The following DLG2 variants were observed in gnomAD, a reference collection of about 807,000 sequenced individuals.
DLG2 encodes the protein discs large MAGUK scaffold protein 2.
DLG2 carries 45 observed loss-of-function variants against 132.5 expected under a neutral mutation model. The observed-to-expected ratio is 0.34, with a 90% CI of 0.27 to 0.44. The LOEUF is 0.44. Ranked by LOEUF, DLG2 falls within the 20% of genes least tolerant of loss-of-function variation. The pLI is 1.00. For missense variants in DLG2, 1,045 were observed against 1,196.9 expected, an observed-to-expected ratio of 0.87 and a Z score of 1.87; for synonymous variants, 424 against 419.6, an observed-to-expected ratio of 1.01 and a Z score of -0.13.
At chr11:84,069,624 A>G (rs2096727565) in intron 10 of DLG2, among the ~76,000 whole-genome samples, 1 of 152,184 alleles carries the variant, frequency 6.6e-6, no homozygotes, top group South Asian at 2.1e-4. Context: ...CATCTCCTAC[A>G]GTGAATGTAC....
At chr11:84,406,392 C>T (rs1227521673) in intron 7 of DLG2, among the ~76,000 whole-genome samples, 1 of 152,170 alleles carries the variant, frequency 6.6e-6, no homozygotes, top group Non-Finnish European at 1.5e-5. Context: ...AAACAGGGCT[C>T]ACTGCAGCCT....
intron 3 of DLG2, among the ~76,000 whole-genome samples, chr11:85,509,418 C>T (rs953985104): frequency 7.9e-5 from 12 of 151,994 alleles, no homozygotes; most frequent in Admixed American, 3.3e-4. Context: ...AAGTGCCTTA[C>T]TACACAGTAC....
At chr11:83,827,370 G>A (rs939267697) in intron 17 of DLG2, among the ~76,000 whole-genome samples, 1 of 152,062 alleles carries the variant, frequency 6.6e-6, no homozygotes, top group African/African-American at 2.4e-5. Context: ...CTTCCCCTCT[G>A]CACGTTTCTA....
At chr11:83,577,567 T>C (rs1405716088) in intron 19 of DLG2, among the ~76,000 whole-genome samples, 3 of 100,078 alleles carry the variant, frequency 3.0e-5, no homozygotes, top group African/African-American at 1.4e-4. Context: ...AGAATATATA[T>C]ATATATATAT....
At chr11:84,387,151 G>A (rs1456977875) in intron 7 of DLG2, among the ~76,000 whole-genome samples, 1 of 151,860 alleles carries the variant, frequency 6.6e-6, no homozygotes, top group African/African-American at 2.4e-5. Context: ...ACCACACTGG[G>A]GCAGCGTCCC....
chr11:83,592,354 C>T (rs1445241092), intron 19 of DLG2, among the ~76,000 whole-genome samples: 1 of 147,978 alleles, frequency 6.8e-6, no homozygotes, highest in East Asian at 2.1e-4. Context: ...CTACAACTAT[C>T]TGATCTTTGA....
intron 8 of DLG2, among the ~76,000 whole-genome samples, chr11:84,184,206 C>T (rs865780426): frequency 1.6e-3 from 237 of 152,236 alleles, no homozygotes; most frequent in Middle Eastern, 0.01. Context: ...TGTAAAAGTG[C>T]TCCTATTTCT....
chr11:83,904,152 G>A (rs2074156749), intron 15 of DLG2, among the ~76,000 whole-genome samples: 1 of 152,148 alleles, frequency 6.6e-6, no homozygotes, highest in Non-Finnish European at 1.5e-5. Flanking sequence ...GGTGGGTAGT[G>A]TATACAGCAT....
rs747002599 is a variant in DLG2 at position 83,962,998 on chromosome 11, A to C, written c.1227T>G (p.His409Gln). The change falls in exon 14 of 28, where the codon CAT becomes CAG. Residue 409 changes from histidine (H) to glutamine (Q), a missense_variant. His to Gln is a conservative substitution (Grantham distance 24). Transcript: ENST00000376104. ...AAGTGCCATTGTTGCCAGAGAGTAG[A>C]TGGTTTTCCATTGGTGGAGAATAAG... ...THSYSPPMEN[H>Q]LLSGNNGTLE... 6.2e-7 allele frequency: 1 copy of C among 1,612,990 alleles called. No individual in the cohort carries two copies. Among genetic ancestry groups the C allele is most frequent in the South Asian group, 1.1e-5 (1 of 91,066 alleles).
Position 84,253,161 on chromosome 11 carries a change from T to C in DLG2, c.520-1870A>G, listed in dbSNP as rs116644218. Among the ~76,000 whole-genome samples the C allele has an allele frequency of 9.6e-4, 146 of 152,158 alleles. 1 individual carries two copies. Among genetic ancestry groups the C allele is most frequent in the African/African-American group, 3.4e-3 (142 of 41,494 alleles). On this transcript the variant is annotated intron_variant, in intron 7 of 27. Transcript: ENST00000376104. ...GACTCTGGAGAAAGACAGTTTTTAC[T>C]GGATCTCATTAAAAAAAAATAATAA...
intron 3 of DLG2, among the ~76,000 whole-genome samples, chr11:85,396,012 A>G (rs1190629437): frequency 6.6e-6 from 1 of 152,162 alleles, no homozygotes; most frequent in Non-Finnish European, 1.5e-5. Context: ...ACCTCCCAGT[A>G]GGGGCCGACA....
At chr11:84,324,944 T>C (rs183983514) in intron 7 of DLG2, among the ~76,000 whole-genome samples, 45 of 152,276 alleles carry the variant, frequency 3.0e-4, no homozygotes, top group African/African-American at 1.1e-3. Flanking sequence ...ATTTTCTACC[T>C]ATAAGATCAT....
intron 6 of DLG2, among the ~76,000 whole-genome samples, chr11:84,891,841 C>T (rs2089447678): frequency 6.6e-6 from 1 of 152,142 alleles, no homozygotes; most frequent in Non-Finnish European, 1.5e-5. Context: ...TAAAGCAGAG[C>T]ATCTCTGCCC....
At chr11:84,987,246 C>A (rs907489639) in intron 6 of DLG2, among the ~76,000 whole-genome samples, 10 of 152,026 alleles carry the variant, frequency 6.6e-5, no homozygotes, top group Non-Finnish European at 1.0e-4. Flanking sequence ...CAAAACACTG[C>A]TGAAAGAAAT....
chr11:85,443,218 G>A (rs2153032993), intron 3 of DLG2, among the ~76,000 whole-genome samples: 1 of 152,238 alleles, frequency 6.6e-6, no homozygotes. Context: ...CCTTTAAGAT[G>A]TCAATCTCCT....
At chr11:84,932,430 C>T (rs1253038504) in intron 6 of DLG2, among the ~76,000 whole-genome samples, 4 of 152,128 alleles carry the variant, frequency 2.6e-5, no homozygotes, top group Non-Finnish European at 5.9e-5. Context: ...ATGTGCAGAA[C>T]ATGCAGGTTA....
At chr11:84,753,555 T>G (rs1437288823) in intron 6 of DLG2, among the ~76,000 whole-genome samples, 1 of 152,100 alleles carries the variant, frequency 6.6e-6, no homozygotes, top group Non-Finnish European at 1.5e-5. Context: ...CTGAGGGAAA[T>G]GAAGAATTTT....
At chr11:83,464,670 T>C (rs1249986366) in intron 26 of DLG2, among the ~76,000 whole-genome samples, 1 of 152,228 alleles carries the variant, frequency 6.6e-6, no homozygotes, top group African/African-American at 2.4e-5. Context: ...AAATAAGTCA[T>C]CTCATAGTTG....
At chr11:85,388,619 G>C (rs1393345812) in intron 3 of DLG2, among the ~76,000 whole-genome samples, 1 of 152,162 alleles carries the variant, frequency 6.6e-6, no homozygotes, top group Non-Finnish European at 1.5e-5. Flanking sequence ...AACTCCACCA[G>C]AGTAGGTGCT....
Sources: gnomAD v4.1 joint callset for allele counts (sites outside exome capture counted in the v4.1 genomes callset) on GRCh38, gnomAD v4.1.1 for gene constraint, MANE v1.5 for transcripts, NCBI Gene and HGNC (gene_info 2026-07-23, HGNC 2026-07-21) for gene names.